Variants in P3H1 observed in about 807,000 individuals in gnomAD.
P3H1 encodes the protein prolyl 3-hydroxylase 1.
In P3H1, 69 loss-of-function variants were observed where a neutral mutation model predicts 84.0. The observed-to-expected ratio is 0.82, with a 90% CI of 0.68 to 1.00. The LOEUF is 1.00. Ranked by LOEUF, P3H1 falls within the 50% of genes least tolerant of loss-of-function variation. P3H1 has a pLI of 0.00. For missense variants in P3H1, 878 were observed against 962.8 expected (o/e 0.91, Z 1.17); for synonymous variants, 366 against 388.8 (o/e 0.94, Z 0.69).
intron 1 of P3H1, among the ~76,000 whole-genome samples, chr1:42,766,028 C>A (rs1310399560): frequency 6.6e-6 from 1 of 150,626 alleles, no homozygotes; most frequent in Non-Finnish European, 1.5e-5. Context: ...CCCCCACACA[C>A]ACACAGAAAG....
At position 42,754,377 on chromosome 1, in the gene P3H1, G is replaced by A. The variant is rs1393238833; in HGVS notation, c.1345+492C>T. ...ACAGGAGGAAGAGGAGCCAAAGGAG[G>A]CCTGAAGGCGTTGAGTCTCAGTAAA... On this transcript the variant is annotated intron_variant, in intron 8 of 14. Transcript: ENST00000296388. This position sits in a 1 kb window ranked among gnomAD's most constrained non-coding sequence, Gnocchi z 4.0. Among the ~76,000 whole-genome samples the A allele has an allele frequency of 6.6e-6, 1 of 152,152 alleles. No homozygotes were observed. Among genetic ancestry groups the A allele is most frequent in the Non-Finnish European group, 1.5e-5 (1 of 68,012 alleles).
intron 1 of P3H1, among the ~76,000 whole-genome samples, chr1:42,763,845 A>T (rs1652851139): frequency 1.3e-5 from 2 of 152,196 alleles, no homozygotes; most frequent in Non-Finnish European, 2.9e-5. Context: ...GGACACTGGT[A>T]TCAAAGAGAC....
Position 42,750,200 on chromosome 1 carries a change from C to A in P3H1, c.1706G>T (p.Arg569Leu), listed in dbSNP as rs758131023. 1 of 1,612,588 alleles carries A rather than the reference C, an allele frequency of 6.2e-7. No homozygotes were observed. The highest frequency in any genetic ancestry group is 8.5e-7 in the Non-Finnish European group (1 of 1,179,446). The change falls in exon 11 of 15, where the codon CGC (arginine) becomes CTC (leucine). Residue 569 changes from arginine (R) to leucine (L), a missense_variant. Arg to Leu is a moderately radical substitution (Grantham distance 102). Coordinates refer to ENST00000296388, the MANE Select transcript of P3H1 (RefSeq NM_022356.4). ...ATGAGGCCCACCTTCGATGGCAGTG[C>A]GGCACACCAGATGAGAGTAGGAAAA... The part of the protein sequence containing the change: ...LYFSYSHLVC[R>L]TAIEEVQAER...
chr1:42,750,928 C>A (rs1345437084), intron 10 of P3H1, among the ~76,000 whole-genome samples: 1 of 143,218 alleles, frequency 7.0e-6, no homozygotes, highest in Admixed American at 6.8e-5. Flanking sequence ...GCCAGCCGCC[C>A]CGTCCGGGAG....
rs377261543 is a variant in P3H1 at position 42,758,804 on chromosome 1, A to G, written c.940+48T>C. ...TGTAATCCCTGCCCACCTTGCCTTT[A>G]GCTTCTTAGTTAGCCAGCAGAGAAA... On this transcript the variant is annotated intron_variant, in intron 4 of 14. Transcript: ENST00000296388. The G allele has an allele frequency of 4.0e-5, 65 of 1,610,766 alleles. 4 individuals are homozygous for G. The highest frequency in any genetic ancestry group is 3.4e-6 in the Non-Finnish European group (4 of 1,177,300).
At position 42,766,476 on chromosome 1, in the gene P3H1, C is replaced by T. The variant is rs369841844; in HGVS notation, c.465+31G>A. The T allele has an allele frequency of 7.1e-6, 11 of 1,560,270 alleles. No homozygotes were observed. The African/African-American group carries it at 9.5e-5, about 14-fold the overall frequency. Reference sequence around the variant, plus strand: ...GCAACACTCCTCTCCCCAGAAGGACCCCGGCCGCCTGGTTCCAGGCAGGTC... The same window carrying T: ...GCAACACTCCTCTCCCCAGAAGGACTCCGGCCGCCTGGTTCCAGGCAGGTC... On this transcript the variant is annotated intron_variant, in intron 1 of 14. Transcript: ENST00000296388.
At position 42,754,923 on chromosome 1, in the gene P3H1, G is replaced by C. The variant is rs1480116962; in HGVS notation, c.1291C>G (p.Leu431Val). The part of the protein sequence containing the change: ...IGNLMKEIET[L>V]VEEKTKESLD... ...GACTCCTTGGTCTTCTCTTCCACAA[G>C]GGTCTCGATTTCCTTCATAAGGTTC... The change falls in exon 8 of 15, where the codon CTT becomes GTT. Residue 431 changes from leucine (L) to valine (V), a missense_variant. Transcript: ENST00000296388. This position sits in a 1 kb window ranked among gnomAD's most constrained non-coding sequence, Gnocchi z 4.0. The C allele has an allele frequency of 6.2e-7, 1 of 1,614,170 alleles. No homozygotes were observed. Among genetic ancestry groups the C allele is most frequent in the South Asian group, 1.1e-5 (1 of 91,086 alleles).
Position 42,758,948 on chromosome 1 carries a change from A to G in P3H1, c.844T>C (p.Cys282Arg), listed in dbSNP as rs1652550840. Residue 282 changes from cysteine (C) to arginine (R), a missense_variant, in exon 4 of 15, where the codon TGT becomes CGT. Physicochemically the swap from Cys to Arg is radical, Grantham distance 180. Transcript: ENST00000296388. Reference protein sequence around the residue: ...YIQVLNCKQNCVTELASHPSR... With the variant: ...YIQVLNCKQNRVTELASHPSR... ...GGGTGGGAAGCAAGCTCCGTGACAC[A>G]GTTCTGCTTACAGTTGAGGACCTGG... 4 of 1,614,208 alleles carry G rather than the reference A, an allele frequency of 2.5e-6. No individual in the cohort carries two copies. Among genetic ancestry groups the G allele is most frequent in the Non-Finnish European group, 3.4e-6 (4 of 1,180,014 alleles).
In P3H1 at chr1:42,754,526, C is replaced by CT. The variant is rs376910857; in HGVS notation, c.1345+342dup. On this transcript the variant is annotated intron_variant, in intron 8 of 14. Transcript: ENST00000296388. The surrounding 1 kb of genome is among the most constrained non-coding windows in gnomAD (Gnocchi z 4.0). ...TGTGACACAGAAGTCTCATTTCTTT[C>CT]TTTTTTTTTAAAGATGAGGTCTTGC... 2.5e-4 allele frequency among the ~76,000 whole-genome samples: 38 copies of CT among 151,544 alleles called. No individual in the cohort carries two copies. Among genetic ancestry groups the CT allele is most frequent in the African/African-American group, 9.0e-4 (37 of 41,268 alleles).
At chr1:42,758,809 C>A in intron 4 of P3H1, 43 bp downstream of exon 4, 1 of 1,612,548 alleles carries the variant, frequency 6.2e-7, no homozygotes, top group Non-Finnish European at 8.5e-7. Flanking sequence ...CCTTTAGCTT[C>A]TTAGTTAGCC....
intron 11 of P3H1, among the ~76,000 whole-genome samples, chr1:42,748,929 CCTT>C (rs1225087917): frequency 6.6e-6 from 1 of 152,202 alleles, no homozygotes; most frequent in Non-Finnish European, 1.5e-5. Flanking sequence ...GTGGGTGCCT[CCTT>C]CTCCATTCCC....
At chr1:42,755,776 TCCC>T in intron 5 of P3H1, 139 bp from the exon 6 acceptor site, 1 of 704,180 alleles carries the variant, frequency 1.4e-6, no homozygotes, top group South Asian at 1.5e-5. Flanking sequence ...CTCTGTCTGT[TCCC>T]CAGTTTGAGA....
At chr1:42,757,543 G>A (rs1291984572) in intron 5 of P3H1, among the ~76,000 whole-genome samples, 1 of 152,232 alleles carries the variant, frequency 6.6e-6, no homozygotes, top group East Asian at 1.9e-4. Context: ...GGGACTCAGA[G>A]AATAGACTTC....
At chr1:42,759,146 T>A (rs577202794) in intron 3 of P3H1, 55 bp downstream of exon 3, 1 of 1,588,612 alleles carries the variant, frequency 6.3e-7, no homozygotes, top group African/African-American at 1.3e-5. Flanking sequence ...TATCAGATGG[T>A]GACCTTAGAG....
chr1:42,747,574 T>C (rs1043760908), intron 13 of P3H1, 149 bp downstream of exon 13: 5 of 1,102,398 alleles, frequency 4.5e-6, no homozygotes, highest in South Asian at 1.2e-5. Flanking sequence ...AGAGGAGTGA[T>C]GGACACGTCT....
At chr1:42,747,659 G>A in intron 13 of P3H1, 64 bp downstream of exon 13, 1 of 1,567,400 alleles carries the variant, frequency 6.4e-7, no homozygotes. Context: ...ACTGCACTTT[G>A]GGAACATCAG....
intron 6 of P3H1, 76 bp downstream of exon 6, chr1:42,755,472 G>A: frequency 7.8e-7 from 1 of 1,285,784 alleles, no homozygotes; most frequent in Non-Finnish European, 1.1e-6. Context: ...GAATCGCACA[G>A]TGTTCCCCTC....
In P3H1 at chr1:42,754,958, T is replaced by C; in HGVS notation, c.1256A>G (p.Gln419Arg). The C allele has an allele frequency of 6.2e-7, 1 of 1,614,214 alleles. No individual in the cohort carries two copies. The highest frequency in any genetic ancestry group is 8.5e-7 in the Non-Finnish European group (1 of 1,180,040). The change falls in exon 8 of 15, where the codon CAG (glutamine) becomes CGG (arginine). Residue 419 changes from glutamine to arginine, a missense_variant. Transcript: ENST00000296388. This position sits in a 1 kb window ranked among gnomAD's most constrained non-coding sequence, Gnocchi z 4.0. Reference sequence around the variant, plus strand: ...TTCCTTCATAAGGTTCCCAATCTCCTGGGAGATGCGTACGGCTGTTTCCCG... The same window carrying C: ...TTCCTTCATAAGGTTCCCAATCTCCCGGGAGATGCGTACGGCTGTTTCCCG... ...SERETAVRIS[Q>R]EIGNLMKEIE...
At position 42,755,211 on chromosome 1, in the gene P3H1, A is replaced by T. The variant is rs1212274856; in HGVS notation, c.1177T>A (p.Trp393Arg). The stretch of plus-strand genomic sequence containing the variant: ...TTGGGAATCACTTCTTCTGGAGTCC[A>T]TGAATCCTAAGTAGGTCAGGAAGAA... Reference protein sequence around the residue: ...FGIPFVDPDSWTPEEVIPKRL... With the variant: ...FGIPFVDPDSRTPEEVIPKRL... The change falls in exon 7 of 15, where the codon TGG (tryptophan) becomes AGG (arginine). Residue 393 changes from tryptophan (W) to arginine (R), a missense_variant. Transcript: ENST00000296388. 1 of 1,614,064 alleles carries T rather than the reference A, an allele frequency of 6.2e-7. No homozygotes were observed. Among genetic ancestry groups the T allele is most frequent in the Admixed American group, 1.7e-5 (1 of 60,030 alleles).
Sources: allele counts gnomAD v4.1 joint callset (sites outside exome capture counted in the v4.1 genomes callset), GRCh38; gene constraint gnomAD v4.1.1; non-coding constraint Gnocchi (gnomAD v3.1); transcripts MANE v1.5; gene names NCBI Gene and HGNC (gene_info 2026-07-23, HGNC 2026-07-21).